Variants in MAX observed in about 807,000 individuals in gnomAD.
MAX encodes the protein protein max.
MAX carries 3 observed loss-of-function variants against 22.3 expected under a neutral mutation model. The ratio of observed to expected loss-of-function variants is 0.13; its 90% CI spans 0.06 to 0.35. The LOEUF is 0.35. Among genes scored for constraint, MAX ranks in the 10% least tolerant of loss-of-function variants. The probability of loss-of-function intolerance (pLI) is 1.00; values close to 1 mark genes in which losing one functional copy is unlikely to be tolerated. For missense variants in MAX, 119 were observed against 209.4 expected (o/e 0.57, Z 2.66); for synonymous variants, 72 against 77.7 (o/e 0.93, Z 0.39).
chr14:65,059,907 C>T (rs951150344), intron 3 of MAX, among the ~76,000 whole-genome samples: 3 of 147,714 alleles, frequency 2.0e-5, no homozygotes, highest in African/African-American at 5.1e-5. Flanking sequence ...AATCTTGGCT[C>T]ACTGCAACCT....
At chr14:65,096,709 T>C (rs1439417023) in intron 2 of MAX, among the ~76,000 whole-genome samples, 4 of 152,024 alleles carry the variant, frequency 2.6e-5, no homozygotes, top group Admixed American at 2.0e-4. Flanking sequence ...GCAAAACTGG[T>C]TTTAAAAAAC....
downstream of MAX, among the ~76,000 whole-genome samples, chr14:65,070,505 G>T (rs2062976164): frequency 6.6e-6 from 1 of 152,230 alleles, no homozygotes; most frequent in African/African-American, 2.4e-5. This position sits in a 1 kb window ranked among gnomAD's most constrained non-coding sequence, Gnocchi z 4.4. Context: ...CAACAGGCCT[G>T]CTGGGGCAGC....
chr14:65,020,772 G>A (rs999161733), intron 3 of MAX, among the ~76,000 whole-genome samples: 15 of 94,882 alleles, frequency 1.6e-4, no homozygotes, highest in Non-Finnish European at 2.6e-4. Flanking sequence ...TGCTCTTGTT[G>A]CCAGGCTGTA....
intron 3 of MAX, among the ~76,000 whole-genome samples, chr14:65,057,572 AAGG>A (rs2062765601): frequency 6.6e-6 from 1 of 152,212 alleles, no homozygotes; most frequent in Non-Finnish European, 1.5e-5. Context: ...AAGCAGACAA[AAGG>A]AGGCACACAT....
chr14:65,037,788 A>C (rs1412974292), intron 3 of MAX, among the ~76,000 whole-genome samples: 1 of 142,170 alleles, frequency 7.0e-6, no homozygotes, highest in Non-Finnish European at 1.5e-5. Flanking sequence ...TTATTTATTT[A>C]TTTATTTATT....
intron 3 of MAX, among the ~76,000 whole-genome samples, chr14:65,068,447 A>C (rs1387114751): frequency 6.6e-6 from 1 of 152,192 alleles, no homozygotes; most frequent in Non-Finnish European, 1.5e-5. Flanking sequence ...AACAACAAAC[A>C]GAAGTGGGGA....
At chr14:65,098,631 A>AT (rs1224215511) in intron 2 of MAX, among the ~76,000 whole-genome samples, 2 of 152,228 alleles carry the variant, frequency 1.3e-5, no homozygotes, top group African/African-American at 4.8e-5. Context: ...TGTCCCACAA[A>AT]TTTATCTTTA....
At position 65,086,722 on chromosome 14, in the gene MAX, T is replaced by C. The variant is rs146979285; in HGVS notation, c.171+6986A>G. On this transcript the variant is annotated intron_variant, in intron 3 of 4. Coordinates refer to ENST00000358664, the MANE Select transcript of MAX (RefSeq NM_002382.5). ...AGCAGAGCATAAAAGTTCAGAAAAT[T>C]TGTAGCCTGACAATGTGATAGAAAA... Among the ~76,000 whole-genome samples the C allele has an allele frequency of 2.4e-3, 366 of 152,304 alleles. 1 individual carries two copies. Among genetic ancestry groups the C allele is most frequent in the African/African-American group, 7.0e-3 (292 of 41,558 alleles).
chr14:65,012,451 T>TG lies in MAX; in HGVS notation c.172-6168_172-6167insC. On this transcript the variant is annotated intron_variant, in intron 3 of 3. Coordinates refer to the MAX transcript ENST00000341653. The surrounding 1 kb of genome is among the most constrained non-coding windows in gnomAD (Gnocchi z 5.0). ...ATCCACCAAATCCTCCTCCTTTTTC[T>TG]ATTTAAACGTAAAAGACTGTTGGGG... The TG allele has an allele frequency of 6.2e-7, 1 of 1,602,270 alleles. No individual in the cohort carries two copies. The highest frequency in any genetic ancestry group is 8.5e-7 in the Non-Finnish European group (1 of 1,171,282).
chr14:65,026,124 C>T (rs2061976209), intron 3 of MAX, among the ~76,000 whole-genome samples: 2 of 152,138 alleles, frequency 1.3e-5, no homozygotes, highest in South Asian at 4.1e-4. Flanking sequence ...TGAAAGCGCC[C>T]AGGAAAGAAG....
intron 3 of MAX, chr14:65,040,940 C>A: frequency 2.5e-6 from 4 of 1,610,568 alleles, no homozygotes; most frequent in Non-Finnish European, 3.4e-6. Flanking sequence ...TTTGAGCCAT[C>A]CCCCTCTCAG....
intron 2 of MAX, among the ~76,000 whole-genome samples, chr14:65,099,531 C>CAAA (rs113130979): frequency 2.8e-5 from 4 of 143,642 alleles, no homozygotes; most frequent in African/African-American, 8.0e-5. Context: ...AAAATTTCAC[C>CAAA]AAAAAAACAA....
At chr14:65,021,372 T>C (rs1226024999) in intron 3 of MAX, among the ~76,000 whole-genome samples, 1 of 152,250 alleles carries the variant, frequency 6.6e-6, no homozygotes, top group Non-Finnish European at 1.5e-5. Flanking sequence ...GTTTTATCCT[T>C]TCCCTTTCAA....
In MAX at chr14:65,084,431, C is replaced by A. The variant is rs995251850; in HGVS notation, c.172-6395G>T. The A allele has an allele frequency of 2.0e-4, 131 of 652,168 alleles. 1 individual carries two copies. The South Asian group carries it at 2.2e-3, about 11-fold the overall frequency. The allele number at this position is 652,168 out of a possible 1,614,324, so 40.4% of individuals were successfully genotyped here. ...AATTCCAGTGATAATGAAACTGGTA[C>A]TCTCAAAACACTACCAAAAGACTAC... On this transcript the variant is annotated intron_variant, in intron 3 of 4. Transcript: ENST00000358664. This position sits in a 1 kb window ranked among gnomAD's most constrained non-coding sequence, Gnocchi z 4.3.
chr14:65,012,194 T>A lies in MAX; in HGVS notation c.172-5910A>T. The A allele has an allele frequency of 1.7e-6, 2 of 1,179,418 alleles. No homozygotes were observed. Among genetic ancestry groups the A allele is most frequent in the Admixed American group, 2.0e-5 (1 of 48,828 alleles). The allele number at this position is 1,179,418 out of a possible 1,614,324, so 73.1% of individuals were successfully genotyped here. ...ACCAGAGAAGTTGCTGGTTATCCAG[T>A]CAGTGATTGCAGGGGGACGTCCTGA... On this transcript the variant is annotated intron_variant, in intron 3 of 3. Transcript: ENST00000341653. This position sits in a 1 kb window ranked among gnomAD's most constrained non-coding sequence, Gnocchi z 5.0.
In MAX at chr14:65,093,605, T is replaced by A; in HGVS notation, c.171+103A>T. 1 of 752,802 alleles carries A rather than the reference T, an allele frequency of 1.3e-6. No individual in the cohort carries two copies. The highest frequency in any genetic ancestry group is 1.9e-5 in the Admixed American group (1 of 53,120). The allele number at this position is 752,802 out of a possible 1,614,324, so 46.6% of individuals were successfully genotyped here. ...ATAAGGCAACCATGCTACCTGAATA[T>A]CTCTGACTACATTTCCTTCCCAATA... On this transcript the variant is annotated intron_variant, in intron 3 of 4. Coordinates refer to ENST00000358664, the MANE Select transcript of MAX (RefSeq NM_002382.5). The surrounding 1 kb of genome is among the most constrained non-coding windows in gnomAD (Gnocchi z 4.4).
chr14:65,093,427 T>C lies in MAX; in HGVS notation c.171+281A>G, dbSNP rs1008263213. On this transcript the variant is annotated intron_variant, in intron 3 of 4. Transcript: ENST00000358664. The surrounding 1 kb of genome is among the most constrained non-coding windows in gnomAD (Gnocchi z 4.4). ...TGGCCACTCTTTATACTATAGTGTATAGTTATAATTTCTTGAATTTATTAC... is the reference window on the plus strand; with the variant it reads ...TGGCCACTCTTTATACTATAGTGTACAGTTATAATTTCTTGAATTTATTAC... 16 of 442,100 alleles carry C rather than the reference T, an allele frequency of 3.6e-5. No homozygotes were observed. The highest frequency in any genetic ancestry group is 3.2e-4 in the African/African-American group (16 of 49,962). The allele number at this position is 442,100 out of a possible 1,614,324, so 27.4% of individuals were successfully genotyped here.
At position 65,031,606 on chromosome 14, in the gene MAX, G is replaced by A. The variant is rs1014060235; in HGVS notation, c.172-25322C>T. Among the ~76,000 whole-genome samples, 17 of 152,068 alleles carry A rather than the reference G, an allele frequency of 1.1e-4. No individual in the cohort carries two copies. The highest frequency in any genetic ancestry group is 4.1e-4 in the African/African-American group (17 of 41,448). ...GCTGGGATTACAGGCATGAGCAACT[G>A]TGCCCAGCCTAATAATGCTTTTTTA... On this transcript the variant is annotated intron_variant, in intron 3 of 3. Coordinates refer to the MAX transcript ENST00000341653. This position sits in a 1 kb window ranked among gnomAD's most constrained non-coding sequence, Gnocchi z 4.6.
Position 65,076,170 on chromosome 14 carries a change from G to T in MAX, c.*306C>A. 7.3e-7 allele frequency: 1 copy of T among 1,378,990 alleles called. No homozygotes were observed. The highest frequency in any genetic ancestry group is 9.4e-7 in the Non-Finnish European group (1 of 1,067,484). The allele number at this position is 1,378,990 out of a possible 1,614,324, so 85.4% of individuals were successfully genotyped here. On this transcript the variant is annotated 3_prime_UTR_variant, in exon 5 of 5. Transcript: ENST00000358664. The surrounding 1 kb of genome is among the most constrained non-coding windows in gnomAD (Gnocchi z 6.6). Reference sequence around the variant, plus strand: ...GTGGGCAGGACACTATGTGCTCAGAGGTCCGGCCGGCCGTCTGTCCTCCAC... The same window carrying T: ...GTGGGCAGGACACTATGTGCTCAGATGTCCGGCCGGCCGTCTGTCCTCCAC...
Sources: gnomAD v4.1 joint callset for allele counts (sites outside exome capture counted in the v4.1 genomes callset) on GRCh38, gnomAD v4.1.1 for gene constraint, Gnocchi (gnomAD v3.1) non-coding constraint, MANE v1.5 for transcripts, NCBI Gene and HGNC (gene_info 2026-07-23, HGNC 2026-07-21) for gene names.